The following EXOC3L2 variants were observed in gnomAD, a reference collection of about 807,000 sequenced individuals.
EXOC3L2 encodes the protein exocyst complex component 3-like protein 2.
In EXOC3L2, 17 loss-of-function variants were observed where a neutral mutation model predicts 44.4. That is an observed-to-expected ratio of 0.38 (90% CI 0.26 to 0.57). The LOEUF is 0.57. Among genes scored for constraint, EXOC3L2 ranks in the 20% least tolerant of loss-of-function variants. The pLI, the probability that EXOC3L2 is intolerant of heterozygous loss-of-function variation, is 0.65. For missense variants in EXOC3L2, 541 were observed against 588.4 expected, an observed-to-expected ratio of 0.92 and a Z score of 0.83; for synonymous variants, 256 against 253.7, an observed-to-expected ratio of 1.01 and a Z score of -0.09.
intron 8 of EXOC3L2, among the ~76,000 whole-genome samples, chr19:45,220,034 G>T (rs763481589): frequency 6.6e-6 from 1 of 152,022 alleles, no homozygotes; most frequent in African/African-American, 2.4e-5. Flanking sequence ...TTAGCTAGGC[G>T]TGATGGTGGG....
In EXOC3L2 at chr19:45,213,107, G is replaced by GGGGCCGAGGCAGACAGGCCAAACT. The variant is rs1568478223; in HGVS notation, c.2347_2370dup (p.Ser783_Pro790dup). 1 of 1,538,346 alleles carries GGGGCCGAGGCAGACAGGCCAAACT rather than the reference G, an allele frequency of 6.5e-7. No individual in the cohort carries two copies. The highest frequency in any genetic ancestry group is 1.4e-5 in the African/African-American group (1 of 72,118). ...CGAGGTCGCGCTAGAGACGGAGGCC[G>GGGGCCGAGGCAGACAGGCCAAACT]GGGCCGAGGCAGACAGGCCAAACTG... On this transcript the variant is annotated inframe_insertion, in exon 12 of 12. Coordinates refer to ENST00000413988, the MANE Select transcript of EXOC3L2 (RefSeq NM_001382422.1).
At chr19:45,222,479 G>T (rs1437667499) in intron 8 of EXOC3L2, among the ~76,000 whole-genome samples, 1 of 152,126 alleles carries the variant, frequency 6.6e-6, no homozygotes, top group African/African-American at 2.4e-5. Flanking sequence ...AAGATTACAG[G>T]CATGAGCCAC....
chr19:45,220,574 G>T lies in EXOC3L2; in HGVS notation c.1720-2255C>A, dbSNP rs78222968. Among the ~76,000 whole-genome samples, 1,296 of 152,190 alleles carry T rather than the reference G, an allele frequency of 8.5e-3. 16 individuals carry two copies. The highest frequency in any genetic ancestry group is 0.028 in the African/African-American group (1,183 of 41,536). ...ACAGAAGAGCATTAAACCAAGATTG[G>T]GCCTTTCGAAGTGTGTGTTTTGGGG... On this transcript the variant is annotated intron_variant, in intron 8 of 11. Coordinates refer to ENST00000413988, the MANE Select transcript of EXOC3L2 (RefSeq NM_001382422.1).
chr19:45,212,828 G>A lies in EXOC3L2; in HGVS notation c.*241C>T. 1 of 449,068 alleles carries A rather than the reference G, an allele frequency of 2.2e-6. No homozygotes were observed. The highest frequency in any genetic ancestry group is 3.8e-6 in the Non-Finnish European group (1 of 260,940). 27.8% of individuals were successfully genotyped at this position (449,068 alleles called of 1,614,324 possible). ...TTGCCCAGGCTGGTCTTGAACTCCT[G>A]GGCTCAAGCAATCCTCCGGCCTCAG... On this transcript the variant is annotated 3_prime_UTR_variant, in exon 12 of 12. Transcript: ENST00000413988.
In EXOC3L2 at chr19:45,213,112, C is replaced by T. The variant is rs779999765; in HGVS notation, c.2366G>A (p.Arg789Gln). ...TCGCGCTAGAGACGGAGGCCGGGGC[C>T]GAGGCAGACAGGCCAAACTGGGCCT... is the stretch of plus-strand genomic sequence containing the variant. Reference protein sequence around the residue: ...LARPSLACLPRPRPPSLARPR... With the variant: ...LARPSLACLPQPRPPSLARPR... Residue 789 changes from arginine (R) to glutamine (Q), a missense_variant, in exon 12 of 12, where the codon CGG (arginine) becomes CAG (glutamine). Physicochemically the swap from Arg to Gln is conservative, Grantham distance 43. Coordinates refer to ENST00000413988, the MANE Select transcript of EXOC3L2 (RefSeq NM_001382422.1). The T allele has an allele frequency of 2.1e-5, 32 of 1,546,324 alleles. No individual in the cohort carries two copies. Among genetic ancestry groups the T allele is most frequent in the Middle Eastern group, 1.9e-4 (1 of 5,154 alleles).
At chr19:45,240,382 T>C (rs11670562) in intron 1 of EXOC3L2, among the ~76,000 whole-genome samples, 30,481 of 151,874 alleles carry the variant, frequency 0.2, 3,624 homozygotes, top group South Asian at 0.29. Context: ...CCTCCCAAAG[T>C]GCTGGGATTA....
At chr19:45,227,283 A>C (rs975450597) in intron 7 of EXOC3L2, among the ~76,000 whole-genome samples, 2 of 139,516 alleles carry the variant, frequency 1.4e-5, no homozygotes, top group Non-Finnish European at 3.0e-5. Context: ...ATGCCCGGCT[A>C]ATTTTTTTTT....
At position 45,238,355 on chromosome 19, in the gene EXOC3L2, T is replaced by C. The variant is rs139555043; in HGVS notation, c.523+168A>G. Among the ~76,000 whole-genome samples, 1 of 152,062 alleles carries C rather than the reference T, an allele frequency of 6.6e-6. No homozygotes were observed. The highest frequency in any genetic ancestry group is 2.4e-5 in the African/African-American group (1 of 41,510). ...GGATTAGGACTGCAGTGGTAATGGG[T>C]TGGAGCTGGCATGGAGGTGGGAGAT... On this transcript the variant is annotated intron_variant, in intron 2 of 11. Coordinates refer to ENST00000413988, the MANE Select transcript of EXOC3L2 (RefSeq NM_001382422.1). The surrounding 1 kb of genome is among the most constrained non-coding windows in gnomAD (Gnocchi z 5.5).
Position 45,224,909 on chromosome 19 carries a change from G to C in EXOC3L2, c.1588C>G (p.Leu530Val). The part of the protein sequence containing the change: ...LVNCGPPLRA[L>V]AERLARVGPP... Reference sequence around the variant, plus strand: ...CCCACCCGGGCCAGGCGCTCGGCCAGAGCTCTGTGGGGATCAACAGAGCCA... The same window carrying C: ...CCCACCCGGGCCAGGCGCTCGGCCACAGCTCTGTGGGGATCAACAGAGCCA... Residue 530 changes from leucine (L) to valine (V), a missense_variant, in exon 8 of 12, where the codon CTG becomes GTG. Physicochemically the swap from Leu to Val is conservative, Grantham distance 32. Coordinates refer to ENST00000413988, the MANE Select transcript of EXOC3L2 (RefSeq NM_001382422.1). 6.5e-7 allele frequency: 1 copy of C among 1,529,204 alleles called. No individual in the cohort carries two copies. The highest frequency in any genetic ancestry group is 8.8e-7 in the Non-Finnish European group (1 of 1,136,982). 94.7% of individuals were successfully genotyped at this position (1,529,204 alleles called of 1,614,324 possible). A position where few individuals can be genotyped will look rare whatever the true frequency, so the allele number is the denominator to read the frequency against.
intron 8 of EXOC3L2, among the ~76,000 whole-genome samples, chr19:45,222,494 CA>C (rs1969908845): frequency 6.6e-6 from 1 of 152,170 alleles, no homozygotes; most frequent in Non-Finnish European, 1.5e-5. Context: ...AGCCACCACG[CA>C]CAGTCTATCT....
intron 2 of EXOC3L2, among the ~76,000 whole-genome samples, chr19:45,237,870 G>A (rs933281581): frequency 1.3e-5 from 2 of 152,280 alleles, no homozygotes; most frequent in East Asian, 1.9e-4. Flanking sequence ...TTGGCCACAC[G>A]CCGTGGCTCA....
chr19:45,219,414 A>G (rs1484863692), intron 8 of EXOC3L2, among the ~76,000 whole-genome samples: 1 of 149,446 alleles, frequency 6.7e-6, no homozygotes, highest in Non-Finnish European at 1.5e-5. Flanking sequence ...AAAAAAAAAA[A>G]GAGAAAAAGT....
At chr19:45,218,976 C>A (rs928636718) in intron 8 of EXOC3L2, among the ~76,000 whole-genome samples, 2 of 151,996 alleles carry the variant, frequency 1.3e-5, no homozygotes, top group African/African-American at 2.4e-5. Context: ...CAGTGGCTCA[C>A]GCCTGTAATC....
chr19:45,230,575 C>T (rs1443386882), intron 4 of EXOC3L2, among the ~76,000 whole-genome samples: 3 of 151,890 alleles, frequency 2.0e-5, no homozygotes, highest in Non-Finnish European at 4.4e-5. Flanking sequence ...TCTTGAACTC[C>T]TGGCCTCAAG....
chr19:45,214,175 A>G (rs1969809034), intron 11 of EXOC3L2, among the ~76,000 whole-genome samples: 1 of 152,150 alleles, frequency 6.6e-6, no homozygotes, highest in South Asian at 2.1e-4. Flanking sequence ...GACTCCAGGA[A>G]TATGTGCCTT....
rs796426730 is a variant in EXOC3L2 at position 45,222,198 on chromosome 19, C to T, written c.1719+2580G>A. The stretch of plus-strand genomic sequence containing the variant: ...CATGTCTCTAGCTGGTTGTTTTTCT[C>T]TCCTTTTTTTTTTTTTTTTGAGACG... On this transcript the variant is annotated intron_variant, in intron 8 of 11. Coordinates refer to ENST00000413988, the MANE Select transcript of EXOC3L2 (RefSeq NM_001382422.1). 1.4e-4 allele frequency among the ~76,000 whole-genome samples: 21 copies of T among 149,334 alleles called. 1 individual carries two copies. Among genetic ancestry groups the T allele is most frequent in the African/African-American group, 5.0e-4 (20 of 40,012 alleles).
At chr19:45,224,488 T>C (rs1264974083) in intron 8 of EXOC3L2, among the ~76,000 whole-genome samples, 1 of 151,822 alleles carries the variant, frequency 6.6e-6, no homozygotes, top group Non-Finnish European at 1.5e-5. Context: ...GAGATGGGTG[T>C]ATGGGGCTCT....
chr19:45,243,729 A>C (rs1970148258), intron 1 of EXOC3L2, among the ~76,000 whole-genome samples: 1 of 152,048 alleles, frequency 6.6e-6, no homozygotes, highest in Non-Finnish European at 1.5e-5. Flanking sequence ...CCAGGGTTCA[A>C]GCGATTTCTC....
rs1464930381 is a variant in EXOC3L2 at position 45,238,860 on chromosome 19, C to G, written c.186G>C (p.Ala62=). The change falls in exon 2 of 12, where the codon GCG becomes GCC. Residue 62 remains alanine (A), a synonymous_variant. Coordinates refer to ENST00000413988, the MANE Select transcript of EXOC3L2 (RefSeq NM_001382422.1). The surrounding 1 kb of genome is among the most constrained non-coding windows in gnomAD (Gnocchi z 5.5). ...CRRRATLEKL[A]GLAPFRLGWA... is the part of the protein sequence containing the mutation. ...AGCCCAGCCGGAAGGGGGCCAGGCC[C>G]GCAAGCTTCTCCAGGGTGGCGCGGC... 2.5e-6 allele frequency: 1 copy of G among 399,006 alleles called. No homozygotes were observed. The highest frequency in any genetic ancestry group is 3.6e-5 in the East Asian group (1 of 28,090). The allele number at this position is 399,006 out of a possible 1,614,324, so 24.7% of individuals were successfully genotyped here.
Sources: allele counts gnomAD v4.1 joint callset (sites outside exome capture counted in the v4.1 genomes callset), GRCh38; gene constraint gnomAD v4.1.1; non-coding constraint Gnocchi (gnomAD v3.1); transcripts MANE v1.5; gene names NCBI Gene and HGNC (gene_info 2026-07-23, HGNC 2026-07-21).